MTUS2: variants seen among roughly 807,000 people sequenced by gnomAD.
MTUS2 encodes microtubule-associated tumor suppressor candidate 2.
A neutral mutation model predicts 114.1 loss-of-function variants in MTUS2; 40 were observed. The observed-to-expected ratio is 0.35, with a 90% CI of 0.27 to 0.46. The LOEUF is 0.46. Among genes scored for constraint, MTUS2 ranks in the 20% least tolerant of loss-of-function variants. The probability of loss-of-function intolerance (pLI) is 1.00; values close to 1 mark genes in which losing one functional copy is unlikely to be tolerated. For missense variants in MTUS2, 1,679 were observed against 1,705.4 expected, an observed-to-expected ratio of 0.98 and a Z score of 0.27; for synonymous variants, 688 against 672.0, an observed-to-expected ratio of 1.02 and a Z score of -0.37.
intron 2 of MTUS2, among the ~76,000 whole-genome samples, chr13:28,867,072 C>T (rs1877341975): frequency 6.6e-6 from 1 of 152,016 alleles, no homozygotes; most frequent in Non-Finnish European, 1.5e-5. Context: ...TCATACTTAC[C>T]CTATTTCACT....
chr13:29,367,052 G>T (rs1022228353), intron 8 of MTUS2, among the ~76,000 whole-genome samples: 2 of 152,056 alleles, frequency 1.3e-5, no homozygotes, highest in South Asian at 4.1e-4. Flanking sequence ...TGGTCCATCC[G>T]CTTGGTAAAT....
chr13:29,327,335 T>C (rs1013293340), intron 7 of MTUS2, among the ~76,000 whole-genome samples: 1 of 152,170 alleles, frequency 6.6e-6, no homozygotes, highest in African/African-American at 2.4e-5. Context: ...CCATGCAAGA[T>C]AACACACATG....
intron 2 of MTUS2, among the ~76,000 whole-genome samples, chr13:28,973,681 A>G (rs1883958674): frequency 6.6e-6 from 1 of 152,236 alleles, no homozygotes; most frequent in African/African-American, 2.4e-5. Flanking sequence ...GTCAGTTCTA[A>G]GTGTTAGAAA....
chr13:29,059,228 A>ATTTTTTTTTTTTTTTTTTTTTTGTT (rs35369352), intron 4 of MTUS2, among the ~76,000 whole-genome samples: 5 of 97,142 alleles, frequency 5.1e-5, no homozygotes, highest in African/African-American at 1.2e-4. Context: ...TATTCTTTGG[A>ATTTTTTTTTTTTTTTTTTTTTTGTT]TTTTTTTTTT....
intron 5 of MTUS2, among the ~76,000 whole-genome samples, chr13:29,135,152 T>C (rs1449423687): frequency 6.6e-6 from 1 of 152,228 alleles, no homozygotes; most frequent in Non-Finnish European, 1.5e-5. Context: ...AGCATATCTA[T>C]ACTGTGTGCA....
chr13:29,415,879 G>A (rs1416753182), intron 8 of MTUS2, among the ~76,000 whole-genome samples: 2 of 151,670 alleles, frequency 1.3e-5, no homozygotes, highest in African/African-American at 2.4e-5. Context: ...CCATTGTCCC[G>A]TTTTCTTAGT....
chr13:28,900,440 A>G (rs1203200769), intron 2 of MTUS2, among the ~76,000 whole-genome samples: 1 of 152,242 alleles, frequency 6.6e-6, no homozygotes, highest in Admixed American at 6.5e-5. Context: ...CTGTTCCCCC[A>G]ACCTGCTCTC....
At chr13:29,013,027 T>TA (rs1306076386) in intron 2 of MTUS2, among the ~76,000 whole-genome samples, 1 of 152,232 alleles carries the variant, frequency 6.6e-6, no homozygotes, top group African/African-American at 2.4e-5. Flanking sequence ...ATTCCATTTT[T>TA]AAAAGCACTG....
At chr13:29,107,376 CTTT>C (rs1252998059) in intron 5 of MTUS2, among the ~76,000 whole-genome samples, 1 of 152,048 alleles carries the variant, frequency 6.6e-6, no homozygotes, top group African/African-American at 2.4e-5. Flanking sequence ...CCAATAGAAA[CTTT>C]TTCTCTTATG....
intron 8 of MTUS2, among the ~76,000 whole-genome samples, chr13:29,400,508 T>G (rs1874247116): frequency 6.6e-6 from 1 of 152,242 alleles, no homozygotes. Flanking sequence ...CTTACCATGA[T>G]ATTTGCTCAA....
At chr13:28,908,183 C>T (rs1402063130) in intron 2 of MTUS2, among the ~76,000 whole-genome samples, 1 of 151,350 alleles carries the variant, frequency 6.6e-6, no homozygotes, top group Non-Finnish European at 1.5e-5. Flanking sequence ...GGTACGTGTA[C>T]ACAACATGCA....
At chr13:29,112,568 G>A (rs766714853) in intron 5 of MTUS2, among the ~76,000 whole-genome samples, 4 of 152,172 alleles carry the variant, frequency 2.6e-5, no homozygotes, top group African/African-American at 4.8e-5. Flanking sequence ...GGAAAGAACC[G>A]TAGCAGGAGA....
At chr13:28,897,874 G>A (rs1460139955) in intron 2 of MTUS2, among the ~76,000 whole-genome samples, 2 of 147,692 alleles carry the variant, frequency 1.4e-5, no homozygotes, top group Non-Finnish European at 3.0e-5. Context: ...CACAAGAAGG[G>A]GAACATCACC....
intron 5 of MTUS2, among the ~76,000 whole-genome samples, chr13:29,159,127 GT>G: frequency 6.6e-6 from 1 of 152,244 alleles, no homozygotes; most frequent in Middle Eastern, 3.4e-3. Context: ...TATAATACTA[GT>G]TTTGTGTTTT....
chr13:29,233,157 C>T (rs946829283), intron 5 of MTUS2, among the ~76,000 whole-genome samples: 1 of 151,954 alleles, frequency 6.6e-6, no homozygotes, highest in African/African-American at 2.4e-5. Flanking sequence ...CTTTCCACTT[C>T]ATTCTTCCGA....
chr13:29,062,008 A>G (rs1888442441), intron 4 of MTUS2, among the ~76,000 whole-genome samples: 1 of 152,146 alleles, frequency 6.6e-6, no homozygotes, highest in Admixed American at 6.6e-5. Flanking sequence ...TTTTTGAGAT[A>G]GGGTCTCCTT....
At chr13:28,898,483 G>A (rs926532375) in intron 2 of MTUS2, among the ~76,000 whole-genome samples, 1 of 152,148 alleles carries the variant, frequency 6.6e-6, no homozygotes, top group East Asian at 1.9e-4. Context: ...ACATCACACC[G>A]AAGATAGCAT....
intron 8 of MTUS2, among the ~76,000 whole-genome samples, chr13:29,430,444 G>A (rs1438706677): frequency 6.6e-6 from 1 of 152,170 alleles, no homozygotes; most frequent in African/African-American, 2.4e-5. Flanking sequence ...TTAGCAGTAT[G>A]ATGTTTAAGT....
intron 5 of MTUS2, among the ~76,000 whole-genome samples, chr13:29,232,850 A>G (rs1206683952): frequency 2.0e-5 from 3 of 152,210 alleles, no homozygotes; most frequent in African/African-American, 7.2e-5. Context: ...AAATGTCTGT[A>G]TTAAACGTTG....
Sources: gnomAD v4.1 joint callset for allele counts (sites outside exome capture counted in the v4.1 genomes callset) on GRCh38, gnomAD v4.1.1 for gene constraint, MANE v1.5 for transcripts, NCBI Gene and HGNC (gene_info 2026-07-23, HGNC 2026-07-21) for gene names.